PDXDC1: variants seen among roughly 807,000 people sequenced by gnomAD.
The protein encoded by PDXDC1 is pyridoxal-dependent decarboxylase domain-containing protein 1.
PDXDC1 carries 42 observed loss-of-function variants against 100.1 expected under a neutral mutation model. The observed-to-expected ratio is 0.42, with a 90% confidence interval of 0.33 to 0.54. PDXDC1 has a LOEUF of 0.54. Among genes scored for constraint, PDXDC1 ranks in the 20% least tolerant of loss-of-function variants. The probability of loss-of-function intolerance (pLI) is 0.10; values close to 1 mark genes in which losing one functional copy is unlikely to be tolerated. For synonymous variants in PDXDC1, 260 were observed against 371.7 expected, an observed-to-expected ratio of 0.70 and a Z score of 3.46; for missense variants, 636 against 979.2, an observed-to-expected ratio of 0.65 and a Z score of 4.68.
At chr16:15,139,909 A>C (rs972187057), downstream of PDXDC1, among the ~76,000 whole-genome samples, 9 of 152,116 alleles carry the variant, frequency 5.9e-5, no homozygotes, top group Admixed American at 2.6e-4. Context: ...CATCCTGGCC[A>C]ACAGGGTGAA....
chr16:15,094,464 G>A (rs944544468), intron 16 of PDXDC1: 3 of 577,226 alleles, frequency 5.2e-6, no homozygotes, highest in South Asian at 2.2e-5. Context: ...GGAGAGACGG[G>A]AAGGACCGGC....
chr16:15,084,568 A>G lies in PDXDC1; in HGVS notation c.1400-54311A>G, dbSNP rs2045839261. The G allele has an allele frequency of 8.2e-6, 9 of 1,102,102 alleles. No homozygotes were observed. In the East Asian group the frequency reaches 2.1e-4, roughly 26 times the overall value. The allele number at this position is 1,102,102 out of a possible 1,614,324, so 68.3% of individuals were successfully genotyped here. A position where few individuals can be genotyped will look rare whatever the true frequency, so the allele number is the denominator to read the frequency against. On this transcript the variant is annotated intron_variant, in intron 16 of 16. Transcript: ENST00000535621. The stretch of plus-strand genomic sequence containing the variant: ...AGACTCAAGCTTTAATACTATTAAC[A>G]TTTTATAATTTTTACTAATTGATTA...
At chr16:15,011,623 A>ATTTTTTTCTTTTTTTTTTTTTTTTTTTTT (rs2041270846) in intron 8 of PDXDC1, among the ~76,000 whole-genome samples, 4 of 97,976 alleles carry the variant, frequency 4.1e-5, no homozygotes, top group South Asian at 3.4e-4. Context: ...TTTGCAAAAC[A>ATTTTTTTCTTTTTTTTTTTTTTTTTTTTT]TTTTTTTCTT....
At chr16:15,084,850 G>C in intron 16 of PDXDC1, 1 of 661,438 alleles carries the variant, frequency 1.5e-6, no homozygotes, top group Non-Finnish European at 2.8e-6. Context: ...TGGATCACCT[G>C]AGGTCAGGAG....
intron 16 of PDXDC1, among the ~76,000 whole-genome samples, chr16:15,030,663 A>C (rs1190601265): frequency 1.3e-5 from 2 of 150,292 alleles, no homozygotes; most frequent in African/African-American, 4.9e-5. Flanking sequence ...GGCTCACTGC[A>C]GCCTTGACCT....
At chr16:15,022,786 TA>T in intron 13 of PDXDC1, 32 bp downstream of exon 13, 1 of 1,553,354 alleles carries the variant, frequency 6.4e-7, no homozygotes, top group Non-Finnish European at 8.8e-7. Context: ...GTTTTCAAAA[TA>T]TAACTTTTTT....
At chr16:15,140,094 T>TTAA (rs1237379565), downstream of PDXDC1, among the ~76,000 whole-genome samples, 1 of 4,404 alleles carries the variant, frequency 2.3e-4, no homozygotes, top group Admixed American at 6.5e-3. Flanking sequence ...AGACTCCATC[T>TTAA]CAAAAAAAAA....
At chr16:15,049,079 C>T (rs960937172) in intron 16 of PDXDC1, among the ~76,000 whole-genome samples, 5 of 127,310 alleles carry the variant, frequency 3.9e-5, no homozygotes, top group African/African-American at 9.2e-5. Flanking sequence ...CTTTTTGTAG[C>T]GACGGGGTCT....
intron 16 of PDXDC1, among the ~76,000 whole-genome samples, chr16:15,057,336 T>C (rs1464176065): frequency 1.3e-5 from 2 of 152,224 alleles, no homozygotes; most frequent in Non-Finnish European, 2.9e-5. Context: ...CATTTGTCCT[T>C]ACAAATGTAG....
intron 16 of PDXDC1, among the ~76,000 whole-genome samples, chr16:15,057,888 G>C (rs1226576166): frequency 6.6e-6 from 1 of 152,094 alleles, no homozygotes; most frequent in Non-Finnish European, 1.5e-5. Flanking sequence ...AGTAATCTCA[G>C]GTTATCAATC....
intron 17 of PDXDC1, 124 bp from the exon 18 acceptor site, chr16:15,032,737 C>T (rs2043144248): frequency 3.1e-6 from 2 of 651,832 alleles, no homozygotes; most frequent in South Asian, 1.8e-5. Context: ...GAGACACTCG[C>T]AGTAGCTCTT....
downstream of PDXDC1, among the ~76,000 whole-genome samples, chr16:15,043,222 G>T (rs914322713): frequency 6.6e-6 from 1 of 151,726 alleles, no homozygotes. Flanking sequence ...TTTTAGTAGA[G>T]ACAGAGTTTC....
intron 16 of PDXDC1, chr16:15,048,109 T>TAA: frequency 2.8e-6 from 4 of 1,432,910 alleles, no homozygotes; most frequent in Non-Finnish European, 3.8e-6. Flanking sequence ...CCTGTTTAAT[T>TAA]AAAAAAAAAA....
chr16:14,979,141 C>T (rs547897818), intron 1 of PDXDC1, among the ~76,000 whole-genome samples: 152 of 152,344 alleles, frequency 1.0e-3, no homozygotes, highest in African/African-American at 3.4e-3. Context: ...TAAAATTAAA[C>T]ACAATTTAAA....
chr16:15,136,152 C>G lies in PDXDC1; in HGVS notation c.1400-2727C>G, dbSNP rs4087022. On this transcript the variant is annotated intron_variant, in intron 16 of 16. Coordinates refer to the PDXDC1 transcript ENST00000535621. The stretch of plus-strand genomic sequence containing the variant: ...GGCTCCTGGGGGCGGGTGTGGGATG[C>G]CAGGGGGCTCAGGGCACTCCTCCAT... The G allele has an allele frequency of 1.7e-4, 210 of 1,253,936 alleles. 1 individual carries two copies. The highest frequency in any genetic ancestry group is 4.0e-4 in the South Asian group (32 of 79,652). The allele number at this position is 1,253,936 out of a possible 1,614,324, so 77.7% of individuals were successfully genotyped here. A position where few individuals can be genotyped will look rare whatever the true frequency, so the allele number is the denominator to read the frequency against.
intron 21 of PDXDC1, among the ~76,000 whole-genome samples, chr16:15,035,231 C>G (rs527745631): frequency 6.6e-6 from 1 of 152,204 alleles, no homozygotes; most frequent in African/African-American, 2.4e-5. Flanking sequence ...CCTGGGTGTG[C>G]TTACGCCATA....
chr16:15,044,150 C>G, intron 16 of PDXDC1, among the ~76,000 whole-genome samples: 1 of 152,144 alleles, frequency 6.6e-6, no homozygotes, highest in East Asian at 1.9e-4. Flanking sequence ...CTACCCCTCC[C>G]TACACATGAG....
intron 16 of PDXDC1, among the ~76,000 whole-genome samples, chr16:15,082,714 C>G (rs1276303760): frequency 6.6e-6 from 1 of 151,910 alleles, no homozygotes; most frequent in Non-Finnish European, 1.5e-5. Flanking sequence ...TTCTTAACAT[C>G]AGTCGCACTT....
intron 1 of PDXDC1, among the ~76,000 whole-genome samples, chr16:14,986,451 A>G (rs1489919879): frequency 6.6e-6 from 1 of 152,294 alleles, no homozygotes; most frequent in African/African-American, 2.4e-5. Flanking sequence ...CCTGGGAGAC[A>G]GAATGAGACT....
Sources: gnomAD v4.1 joint callset for allele counts (sites outside exome capture counted in the v4.1 genomes callset) on GRCh38, gnomAD v4.1.1 for gene constraint, MANE v1.5 for transcripts, NCBI Gene and HGNC (gene_info 2026-07-23, HGNC 2026-07-21) for gene names.